Variants in ZNF516 observed in about 807,000 individuals in gnomAD.
ZNF516 encodes zinc finger protein 516.
ZNF516 carries 19 observed loss-of-function variants against 79.7 expected under a neutral mutation model. That is an observed-to-expected ratio of 0.24 (90% confidence interval 0.17 to 0.35). The LOEUF (loss-of-function observed/expected upper bound fraction) is 0.35, where lower values mean the gene tolerates loss of function less well. Among genes scored for constraint, ZNF516 ranks in the 10% least tolerant of loss-of-function variants. The pLI is 1.00. For synonymous variants in ZNF516, 877 were observed against 739.5 expected, an observed-to-expected ratio of 1.19 and a Z score of -3.02; for missense variants, 1,678 against 1,679.5, an observed-to-expected ratio of 1.00 and a Z score of 0.02.
intron 3 of ZNF516, among the ~76,000 whole-genome samples, chr18:76,440,794 A>T (rs536266120): frequency 6.6e-6 from 1 of 150,916 alleles, no homozygotes; most frequent in East Asian, 2.0e-4. Flanking sequence ...TATGGTGAGA[A>T]CTGGGTCTGA....
chr18:76,410,020 C>T (rs1294126075), intron 3 of ZNF516, among the ~76,000 whole-genome samples: 1 of 152,168 alleles, frequency 6.6e-6, no homozygotes, highest in African/African-American at 2.4e-5. Flanking sequence ...TCTTGCCCAC[C>T]GCCATGTAAG....
At chr18:76,458,505 G>C (rs533330804) in intron 2 of ZNF516, among the ~76,000 whole-genome samples, 1 of 152,362 alleles carries the variant, frequency 6.6e-6, no homozygotes, top group South Asian at 2.1e-4. Context: ...AGATGTTTCG[G>C]GGGGCATTTT....
intron 3 of ZNF516, among the ~76,000 whole-genome samples, chr18:76,398,721 G>A (rs1001561902): frequency 6.6e-6 from 1 of 152,168 alleles, no homozygotes; most frequent in Non-Finnish European, 1.5e-5. Flanking sequence ...GTTTTAAGAG[G>A]CATAGGAGGG....
intron 3 of ZNF516, among the ~76,000 whole-genome samples, chr18:76,380,775 TG>T (rs2145041909): frequency 6.6e-6 from 1 of 151,790 alleles, no homozygotes; most frequent in East Asian, 2.0e-4. Flanking sequence ...GAAGCAGGCT[TG>T]GGCAACAGCT....
intron 6 of ZNF516, 30 bp from the exon 7 acceptor site, chr18:76,362,587 A>G: frequency 6.3e-7 from 1 of 1,590,714 alleles, no homozygotes; most frequent in South Asian, 1.1e-5. Flanking sequence ...GAACAGGAGA[A>G]AAGCTCATTT....
Position 76,441,253 on chromosome 18 carries a change from G to A in ZNF516, c.1802C>T (p.Pro601Leu). 1.2e-6 allele frequency: 2 copies of A among 1,609,664 alleles called. No individual in the cohort carries two copies. Among genetic ancestry groups the A allele is most frequent in the Non-Finnish European group, 1.7e-6 (2 of 1,178,874 alleles). Residue 601 changes from proline to leucine, a missense_variant, in exon 3 of 7, where the codon CCT (proline) becomes CTT (leucine). Pro to Leu is a moderately conservative substitution (Grantham distance 98, BLOSUM62 -3). Transcript: ENST00000443185. ...EDSGEEGAPE[P>L]APGGQPRRCC... ...TGGGTACACTTGCTCACCTGGTGCA[G>A]GTTCAGGGGCGCCCTCCTCACCACT...
At chr18:76,370,651 A>G (rs1282262566) in intron 5 of ZNF516, 56 bp from the exon 6 acceptor site, 1 of 1,447,520 alleles carries the variant, frequency 6.9e-7, no homozygotes, top group Non-Finnish European at 9.4e-7. Flanking sequence ...GGACGTGCAC[A>G]TTAAATGAGT....
Position 76,380,003 on chromosome 18 carries a change from C to T in ZNF516, c.2111G>A (p.Gly704Asp), listed in dbSNP as rs752829919. Residue 704 changes from glycine to aspartate, a missense_variant, in exon 4 of 7, where the codon GGT (glycine) becomes GAT (aspartate). Transcript: ENST00000443185. Reference protein sequence around the residue: ...PSSTGAEGQTGHPAEKLSDLH... With the variant: ...PSSTGAEGQTDHPAEKLSDLH... ...ATCGGACAGCTTTTCTGCAGGGTGA[C>T]CCGTCTGGCCCTCCGCTCCCGTACT... 1.2e-6 allele frequency: 2 copies of T among 1,613,974 alleles called. No homozygotes were observed. Among genetic ancestry groups the T allele is most frequent in the South Asian group, 2.2e-5 (2 of 91,086 alleles).
intron 3 of ZNF516, among the ~76,000 whole-genome samples, chr18:76,429,322 T>C (rs1196625577): frequency 6.6e-6 from 1 of 152,214 alleles, no homozygotes; most frequent in Non-Finnish European, 1.5e-5. Flanking sequence ...ATTTTGTCCA[T>C]GGCCTTGGGA....
intron 4 of ZNF516, 84 bp downstream of exon 4, chr18:76,378,771 G>GC: frequency 6.6e-7 from 1 of 1,508,210 alleles, no homozygotes; most frequent in East Asian, 2.3e-5. Context: ...ACATGGACAG[G>GC]CAGGTGCGCA....
chr18:76,383,241 C>G (rs1215796835), intron 3 of ZNF516, among the ~76,000 whole-genome samples: 1 of 152,082 alleles, frequency 6.6e-6, no homozygotes, highest in Admixed American at 6.6e-5. Context: ...AGCTGATGAG[C>G]AGAAAGACTG....
At chr18:76,475,120 T>G (rs1356420947) in intron 1 of ZNF516, among the ~76,000 whole-genome samples, 1 of 152,200 alleles carries the variant, frequency 6.6e-6, no homozygotes, top group Non-Finnish European at 1.5e-5. Flanking sequence ...ACAAAACAAG[T>G]TACCCAAAGA....
At chr18:76,403,232 C>T (rs1345898481) in intron 3 of ZNF516, among the ~76,000 whole-genome samples, 2 of 152,232 alleles carry the variant, frequency 1.3e-5, no homozygotes, top group African/African-American at 2.4e-5. Flanking sequence ...CTGGTGCACC[C>T]GTTAAGACAC....
chr18:76,482,490 C>G (rs1402012793), intron 1 of ZNF516, among the ~76,000 whole-genome samples: 2 of 152,240 alleles, frequency 1.3e-5, no homozygotes, highest in Non-Finnish European at 2.9e-5. Context: ...GACGTCGGTA[C>G]TTCATGGCAA....
chr18:76,460,330 C>A (rs527820418), intron 2 of ZNF516, among the ~76,000 whole-genome samples: 6 of 152,282 alleles, frequency 3.9e-5, no homozygotes, highest in African/African-American at 1.2e-4. Context: ...AGGCTGTGAG[C>A]CCATTCCCTG....
intron 1 of ZNF516, among the ~76,000 whole-genome samples, chr18:76,477,200 TA>T (rs1914223133): frequency 1.3e-5 from 2 of 152,224 alleles, no homozygotes; most frequent in South Asian, 4.1e-4. Context: ...AAAAGTCTGG[TA>T]AGTTTTCTGA....
intron 1 of ZNF516, among the ~76,000 whole-genome samples, chr18:76,484,006 C>A (rs1266456602): frequency 6.6e-6 from 1 of 152,160 alleles, no homozygotes; most frequent in Non-Finnish European, 1.5e-5. Context: ...CTCTAAGCAT[C>A]CAAGCAAAGC....
At chr18:76,409,882 T>C (rs529394995) in intron 3 of ZNF516, among the ~76,000 whole-genome samples, 28 of 152,302 alleles carry the variant, frequency 1.8e-4, no homozygotes, top group Non-Finnish European at 3.7e-4. Context: ...GTAATCCCCA[T>C]GTGTCAAGGG....
chr18:76,378,499 GA>G (rs1463386882), intron 4 of ZNF516, among the ~76,000 whole-genome samples: 1 of 152,222 alleles, frequency 6.6e-6, no homozygotes, highest in Non-Finnish European at 1.5e-5. Flanking sequence ...ACAAACACGT[GA>G]AGTGCAATCA....
Sources: allele counts gnomAD v4.1 joint callset (sites outside exome capture counted in the v4.1 genomes callset), GRCh38; gene constraint gnomAD v4.1.1; transcripts MANE v1.5; gene names NCBI Gene and HGNC (gene_info 2026-07-23, HGNC 2026-07-21).